The following CFI variants were observed in gnomAD, a reference collection of about 807,000 sequenced individuals.
CFI encodes the protein C3B/C4B inactivator.
A neutral mutation model predicts 78.8 loss-of-function variants in CFI; 66 were observed. The ratio of observed to expected loss-of-function variants is 0.84; its 90% confidence interval spans 0.69 to 1.03. The LOEUF is 1.03. Among genes scored for constraint, CFI ranks in the 50% least tolerant of loss-of-function variants. CFI has a pLI of 0.00. For missense variants in CFI, 706 were observed against 704.5 expected, an observed-to-expected ratio of 1.00 and a Z score of -0.02; for synonymous variants, 250 against 232.6, an observed-to-expected ratio of 1.07 and a Z score of -0.68.
At chr4:109,749,469 G>T in intron 9 of CFI, 30 bp downstream of exon 9, 1 of 1,571,070 alleles carries the variant, frequency 6.4e-7, no homozygotes, top group Non-Finnish European at 8.8e-7. Context: ...TTTCTGGGCA[G>T]TTGCATTGTG....
chr4:109,777,874 G>A (rs529622570), intron 1 of CFI, among the ~76,000 whole-genome samples: 2 of 152,042 alleles, frequency 1.3e-5, no homozygotes, highest in Non-Finnish European at 1.5e-5. Flanking sequence ...ACCTGCTCCC[G>A]AATGACTACT....
intron 7 of CFI, among the ~76,000 whole-genome samples, chr4:109,757,259 C>T (rs1419030184): frequency 6.9e-6 from 1 of 145,800 alleles, no homozygotes; most frequent in East Asian, 2.0e-4. Context: ...TGGTCTCAAT[C>T]TCCTGACCTC....
intron 10 of CFI, among the ~76,000 whole-genome samples, chr4:109,747,040 G>A (rs1030170902): frequency 4.6e-5 from 7 of 152,056 alleles, no homozygotes; most frequent in African/African-American, 1.7e-4. Flanking sequence ...CCAGAGATGG[G>A]GTCTGATTCA....
intron 11 of CFI, 34 bp downstream of exon 11, chr4:109,746,188 A>C (rs1332870038): frequency 6.2e-7 from 1 of 1,611,658 alleles, no homozygotes; most frequent in Non-Finnish European, 8.5e-7. Context: ...TTTCCAACTC[A>C]TGGCTTCTGA....
Position 109,749,516 on chromosome 4 carries a change from C to G in CFI, c.1027G>C (p.Gly343Arg). 1 of 1,613,294 alleles carries G rather than the reference C, an allele frequency of 6.2e-7. No homozygotes were observed. Among genetic ancestry groups the G allele is most frequent in the Non-Finnish European group, 8.5e-7 (1 of 1,179,244 alleles). Residue 343 changes from glycine to arginine, a missense_variant, in exon 9 of 13, where the codon GGA (glycine) becomes CGA (arginine). Gly to Arg is a moderately radical substitution (Grantham distance 125). Coordinates refer to ENST00000394634, the MANE Select transcript of CFI (RefSeq NM_000204.5). ...GACTTTACCAGTTGTGCTCGCTTTC[C>G]TCCCACAATTCGTTTCCTTCGAATG... Reference protein sequence around the residue: ...MHIRRKRIVGGKRAQLGDLPW... With the variant: ...MHIRRKRIVGRKRAQLGDLPW...
intron 10 of CFI, among the ~76,000 whole-genome samples, chr4:109,747,186 T>C (rs1724580219): frequency 6.6e-6 from 1 of 152,120 alleles, no homozygotes; most frequent in African/African-American, 2.4e-5. Context: ...CTTTCTTCCC[T>C]TCTTTCTTTT....
intron 7 of CFI, among the ~76,000 whole-genome samples, chr4:109,752,892 T>C (rs1326412921): frequency 7.7e-6 from 1 of 129,354 alleles, no homozygotes; most frequent in Non-Finnish European, 1.6e-5. Context: ...ATATAATATA[T>C]ATTTATTATA....
intron 1 of CFI, among the ~76,000 whole-genome samples, chr4:109,771,075 G>A (rs12512308): frequency 0.24 from 36,584 of 151,878 alleles, 5,035 homozygotes; most frequent in Admixed American, 0.35. Context: ...AAGATCTGAT[G>A]TCCTTATGCT....
rs1433430423 is a variant in CFI, at chr4:109,779,573, G to T, written c.58-12749C>A. On this transcript the variant is annotated intron_variant, in intron 1 of 12. Coordinates refer to ENST00000394634, the MANE Select transcript of CFI (RefSeq NM_000204.5). ...GCCATACTACCCAAGGTAATTTATA[G>T]ATTCAATGCCATCCCCATCAAGCTA... Among the ~76,000 whole-genome samples the T allele has an allele frequency of 3.3e-5, 5 of 152,266 alleles. 1 individual carries two copies. In the South Asian group the frequency reaches 1.0e-3, roughly 32 times the overall value.
chr4:109,794,452 A>T (rs1214026712), intron 1 of CFI: 1 of 151,926 alleles, frequency 6.6e-6, no homozygotes, highest in Non-Finnish European at 1.5e-5. Flanking sequence ...CATGTTTGTT[A>T]TTGTGCTTTT....
chr4:109,742,728 C>T (rs1723959191), intron 11 of CFI, 133 bp from the exon 12 acceptor site: 1 of 650,190 alleles, frequency 1.5e-6, no homozygotes, highest in East Asian at 2.8e-5. Flanking sequence ...GAGAACTCTT[C>T]CTTAGCGTGT....
chr4:109,735,340 T>C, the CFI span, among the ~76,000 whole-genome samples: 5 of 152,174 alleles, frequency 3.3e-5, no homozygotes, highest in Non-Finnish European at 5.9e-5. Flanking sequence ...AAACACCAAA[T>C]GGTTTCTTCT....
At chr4:109,756,931 AAGAAAGAAAGAAAGAAAG>A (rs1726316086) in intron 7 of CFI, among the ~76,000 whole-genome samples, 1 of 149,098 alleles carries the variant, frequency 6.7e-6, no homozygotes, top group South Asian at 2.2e-4. Context: ...GAAAGAAAGA[AAGAAAGAAAGAAAGAAAG>A]AAAGAAAGAA....
chr4:109,774,660 TA>T (rs562722615), intron 1 of CFI, among the ~76,000 whole-genome samples: 45 of 152,310 alleles, frequency 3.0e-4, no homozygotes, highest in Non-Finnish European at 5.6e-4. Context: ...TTGGAGGGTG[TA>T]AACCCTCCAG....
chr4:109,761,475 A>G, intron 4 of CFI, 42 bp downstream of exon 4: 4 of 1,587,586 alleles, frequency 2.5e-6, no homozygotes, highest in Non-Finnish European at 3.5e-6. Context: ...AAAATAAACA[A>G]CCTTCAAGGA....
chr4:109,801,622 T>G (rs1732780443), intron 1 of CFI, among the ~76,000 whole-genome samples: 1 of 152,202 alleles, frequency 6.6e-6, no homozygotes, highest in Non-Finnish European at 1.5e-5. Context: ...AGGAGGAGCC[T>G]GGTAAATATT....
intron 12 of CFI, chr4:109,741,864 T>C (rs1234634720): frequency 6.4e-6 from 1 of 156,896 alleles, no homozygotes; most frequent in African/African-American, 2.4e-5. Flanking sequence ...GGCTGGTACT[T>C]TGCCTGCCTC....
chr4:109,766,525 G>A (rs1478803792), intron 2 of CFI, 29 bp downstream of exon 2: 2 of 1,611,322 alleles, frequency 1.2e-6, no homozygotes, highest in Non-Finnish European at 1.7e-6. Flanking sequence ...TTATATCATA[G>A]AATGACTTGA....
At chr4:109,767,055 T>C (rs946680486) in intron 1 of CFI, among the ~76,000 whole-genome samples, 2 of 152,182 alleles carry the variant, frequency 1.3e-5, no homozygotes, top group African/African-American at 4.8e-5. Flanking sequence ...TGATAAATGG[T>C]GCTGGGAAAA....
Sources: allele counts gnomAD v4.1 joint callset (sites outside exome capture counted in the v4.1 genomes callset), GRCh38; gene constraint gnomAD v4.1.1; transcripts MANE v1.5; gene names NCBI Gene and HGNC (gene_info 2026-07-23, HGNC 2026-07-21).